The following COMMD1 variants were observed in gnomAD, a reference collection of about 807,000 sequenced individuals.
COMMD1 encodes the protein copper metabolism domain containing 1, also known as COMM domain-containing protein 1.
COMMD1 carries 10 observed loss-of-function variants against 17.2 expected under a neutral mutation model. The observed-to-expected ratio is 0.58, with a 90% confidence interval of 0.36 to 0.99. COMMD1 has a LOEUF of 0.99. COMMD1 is among the 50% of genes least tolerant of loss of function. The pLI, the probability that COMMD1 is intolerant of heterozygous loss-of-function variation, is 0.01. For synonymous variants in COMMD1, 97 were observed against 91.6 expected (o/e 1.06, Z -0.34); for missense variants, 270 against 231.8 (o/e 1.17, Z -1.07).
chr2:62,045,103 C>T (rs750556047), intron 2 of COMMD1, among the ~76,000 whole-genome samples: 1 of 152,142 alleles, frequency 6.6e-6, no homozygotes, highest in African/African-American at 2.4e-5. Context: ...CCCCAAAGGC[C>T]TGCAGGTTAG....
At chr2:61,926,649 C>T (rs1265863526) in intron 1 of COMMD1, among the ~76,000 whole-genome samples, 1 of 152,284 alleles carries the variant, frequency 6.6e-6, no homozygotes, top group Admixed American at 6.5e-5. Context: ...CGTAAAATGT[C>T]GACTTACTGA....
At chr2:61,933,765 T>TTCTTTTC (rs1242130039) in intron 1 of COMMD1, among the ~76,000 whole-genome samples, 40 of 133,374 alleles carry the variant, frequency 3.0e-4, no homozygotes, top group African/African-American at 1.4e-3. Flanking sequence ...TTTGTTTTTC[T>TTCTTTTC]TTTTTTCTTT....
At chr2:62,075,166 G>T (rs974612185) in intron 2 of COMMD1, among the ~76,000 whole-genome samples, 5 of 152,048 alleles carry the variant, frequency 3.3e-5, no homozygotes, top group African/African-American at 1.2e-4. Context: ...CAGGATTACA[G>T]GCATAAGCCA....
At chr2:61,906,403 TATATC>T (rs1229862108) in intron 1 of COMMD1, among the ~76,000 whole-genome samples, 3 of 152,262 alleles carry the variant, frequency 2.0e-5, no homozygotes, top group Admixed American at 2.0e-4. Context: ...ATTTTAGTAA[TATATC>T]TTATTTAATC....
At chr2:61,988,907 C>T (rs1218066931) in intron 1 of COMMD1, among the ~76,000 whole-genome samples, 1 of 152,168 alleles carries the variant, frequency 6.6e-6, no homozygotes, top group African/African-American at 2.4e-5. Flanking sequence ...TGGCTGAGTT[C>T]TGCCTGGTGT....
intron 2 of COMMD1, among the ~76,000 whole-genome samples, chr2:62,114,903 G>T (rs1468367832): frequency 6.6e-6 from 1 of 152,206 alleles, no homozygotes; most frequent in Non-Finnish European, 1.5e-5. Flanking sequence ...AGGTTCCTTG[G>T]TCAGACTAGA....
intron 2 of COMMD1, among the ~76,000 whole-genome samples, chr2:62,045,513 G>C (rs1044946579): frequency 3.3e-5 from 5 of 151,506 alleles, no homozygotes; most frequent in African/African-American, 4.8e-5. Flanking sequence ...AGCAAGGTGG[G>C]GATTCGTTTT....
chr2:61,953,227 C>T (rs1431257837), intron 1 of COMMD1, among the ~76,000 whole-genome samples: 1 of 152,040 alleles, frequency 6.6e-6, no homozygotes, highest in Non-Finnish European at 1.5e-5. Flanking sequence ...CCAGGCTGAT[C>T]TCGAACTCCT....
chr2:62,037,694 C>T (rs534111428), intron 2 of COMMD1, among the ~76,000 whole-genome samples: 9 of 152,178 alleles, frequency 5.9e-5, no homozygotes, highest in African/African-American at 9.7e-5. Flanking sequence ...CTGAAATATA[C>T]ATGGCTCTGG....
At chr2:61,998,246 C>CTTTTTT (rs71410912) in intron 1 of COMMD1, among the ~76,000 whole-genome samples, 176 of 126,354 alleles carry the variant, frequency 1.4e-3, no homozygotes, top group African/African-American at 1.6e-3. Context: ...GTTGTGCTTT[C>CTTTTTT]TTTTTTTTTT....
intron 1 of COMMD1, among the ~76,000 whole-genome samples, chr2:61,931,311 C>CA (rs1236970513): frequency 6.6e-6 from 1 of 151,594 alleles, no homozygotes; most frequent in Non-Finnish European, 1.5e-5. Flanking sequence ...GACCTTGTCT[C>CA]AAAAAAATAA....
intron 1 of COMMD1, among the ~76,000 whole-genome samples, chr2:61,895,934 C>G (rs1669540048): frequency 2.0e-5 from 3 of 152,166 alleles, no homozygotes; most frequent in Admixed American, 2.0e-4. Flanking sequence ...CCCATTAGAG[C>G]CCATGGTAAC....
intron 1 of COMMD1, among the ~76,000 whole-genome samples, chr2:61,983,860 T>G (rs1672025585): frequency 6.6e-6 from 1 of 152,230 alleles, no homozygotes; most frequent in African/African-American, 2.4e-5. Context: ...ATTATTTCTT[T>G]GCTTCTACTG....
At chr2:61,891,181 G>A (rs1213231327) in intron 1 of COMMD1, among the ~76,000 whole-genome samples, 1 of 152,212 alleles carries the variant, frequency 6.6e-6, no homozygotes, top group Admixed American at 6.5e-5. Flanking sequence ...AGTTCTACCA[G>A]TGTAAGGAGT....
At chr2:61,935,195 A>G (rs937458220) in intron 1 of COMMD1, among the ~76,000 whole-genome samples, 2 of 152,220 alleles carry the variant, frequency 1.3e-5, no homozygotes, top group Non-Finnish European at 2.9e-5. Flanking sequence ...GATGGGAGAA[A>G]AATTGGAAAC....
rs530065089 is a variant in COMMD1, at chr2:62,103,042, G to A, written c.463-32789G>A. On this transcript the variant is annotated intron_variant, in intron 2 of 2. Coordinates refer to ENST00000311832, the MANE Select transcript of COMMD1 (RefSeq NM_152516.4). ...TGCCCAGGCTGGAGTGCAGTGGCGC[G>A]ATCTCCGCTCACTGCAAGCTGCGCC... Among the ~76,000 whole-genome samples the A allele has an allele frequency of 1.5e-4, 22 of 150,752 alleles. No homozygotes were observed. The South Asian group carries it at 4.4e-3, about 30-fold the overall frequency.
intron 1 of COMMD1, among the ~76,000 whole-genome samples, chr2:61,906,102 G>A (rs1439286000): frequency 1.3e-5 from 2 of 152,166 alleles, no homozygotes; most frequent in Admixed American, 6.6e-5. Flanking sequence ...CACCCACAGG[G>A]GTTTTTCCTT....
At chr2:62,089,078 T>G (rs957319868) in intron 2 of COMMD1, among the ~76,000 whole-genome samples, 1 of 152,148 alleles carries the variant, frequency 6.6e-6, no homozygotes, top group Non-Finnish European at 1.5e-5. Flanking sequence ...CAAGGTTCCT[T>G]TGAAGTCTTA....
intron 2 of COMMD1, among the ~76,000 whole-genome samples, chr2:62,084,212 C>T (rs1671598180): frequency 6.6e-6 from 1 of 152,080 alleles, no homozygotes; most frequent in South Asian, 2.1e-4. Flanking sequence ...ACACCAACTC[C>T]CCCACGCCCA....
Sources: allele counts gnomAD v4.1 joint callset (sites outside exome capture counted in the v4.1 genomes callset), GRCh38; gene constraint gnomAD v4.1.1; transcripts MANE v1.5; gene names NCBI Gene and HGNC (gene_info 2026-07-23, HGNC 2026-07-21).